IGSF10: variants seen among roughly 807,000 people sequenced by gnomAD.
IGSF10 encodes the protein immunoglobulin superfamily member 10, also known as calvaria mechanical force protein 608.
IGSF10 carries 126 observed loss-of-function variants against 128.2 expected under a neutral mutation model. The observed-to-expected ratio is 0.98, with a 90% CI of 0.85 to 1.14. The LOEUF is 1.14. Among genes scored for constraint, IGSF10 ranks in the 50% most tolerant of loss-of-function variants. The probability of loss-of-function intolerance (pLI) is 0.00; values close to 1 mark genes in which losing one functional copy is unlikely to be tolerated. For missense variants in IGSF10, 3,295 were observed against 3,149.8 expected (o/e 1.05, Z -1.10); for synonymous variants, 1,185 against 1,146.2 (o/e 1.03, Z -0.68).
chr3:151,503,701 T>C, the IGSF10 span, among the ~76,000 whole-genome samples: 5 of 152,190 alleles, frequency 3.3e-5, no homozygotes, highest in Admixed American at 1.3e-4. Context: ...AAGAGTCTAA[T>C]GCACGCCAAA....
chr3:151,469,351 G>T, the IGSF10 span, among the ~76,000 whole-genome samples: 4 of 152,092 alleles, frequency 2.6e-5, no homozygotes, highest in Admixed American at 2.0e-4. Context: ...ACATTCTGTG[G>T]TGGGGGTTTC....
the IGSF10 span, among the ~76,000 whole-genome samples, chr3:151,478,855 G>T: frequency 6.6e-6 from 1 of 152,174 alleles, no homozygotes; most frequent in Non-Finnish European, 1.5e-5. Context: ...CTTTGGATAA[G>T]ATAAAATAAA....
At position 151,437,301 on chromosome 3, in the gene IGSF10, A is replaced by C. The variant is rs747196885; in HGVS notation, c.7260T>G (p.Ile2420Met). 3 of 1,614,174 alleles carry C rather than the reference A, an allele frequency of 1.9e-6. No individual in the cohort carries two copies. Among genetic ancestry groups the C allele is most frequent in the Non-Finnish European group, 2.5e-6 (3 of 1,180,020 alleles). ...CAATTTCTAATATGACTAATTTCTC[A>C]ATATAGCCAACTTTATTCCTAGCTG... is the stretch of plus-strand genomic sequence containing the variant. ...RCAARNKVGYIEKLVILEIGQ... is the reference protein window; with the variant it reads ...RCAARNKVGYMEKLVILEIGQ... Residue 2420 changes from isoleucine (I) to methionine (M), a missense_variant, in exon 8 of 8, where the codon ATT becomes ATG. By Grantham distance (10) the Ile-to-Met change is conservative. Coordinates refer to ENST00000282466, the MANE Select transcript of IGSF10 (RefSeq NM_178822.5).
the IGSF10 span, among the ~76,000 whole-genome samples, chr3:151,509,369 C>T: frequency 1.3e-5 from 2 of 152,166 alleles, no homozygotes; most frequent in Non-Finnish European, 2.9e-5. Context: ...TGCTATACAC[C>T]TAAATTGGAG....
At chr3:151,463,544 T>TTTG (rs1722159449), upstream of IGSF10, among the ~76,000 whole-genome samples, 3 of 105,570 alleles carry the variant, frequency 2.8e-5, no homozygotes, top group African/African-American at 3.8e-5. Context: ...TTTTTTTTTT[T>TTTG]TTTTTTTTTT....
chr3:151,470,405 A>G, the IGSF10 span, among the ~76,000 whole-genome samples: 1 of 152,216 alleles, frequency 6.6e-6, no homozygotes, highest in African/African-American at 2.4e-5. Context: ...CCAAAAGACA[A>G]TTAAGAAGTT....
At chr3:151,497,700 C>T in the IGSF10 span, among the ~76,000 whole-genome samples, 6 of 151,828 alleles carry the variant, frequency 4.0e-5, no homozygotes, top group Non-Finnish European at 7.4e-5. Flanking sequence ...CAGTTTTTTT[C>T]CAATTTTTTG....
At chr3:151,600,315 A>AT in the IGSF10 span, among the ~76,000 whole-genome samples, 5 of 152,214 alleles carry the variant, frequency 3.3e-5, no homozygotes, top group South Asian at 2.1e-4. Context: ...GTGAATTTCC[A>AT]TTTCACTTTG....
At chr3:151,578,594 G>A in the IGSF10 span, among the ~76,000 whole-genome samples, 1 of 152,184 alleles carries the variant, frequency 6.6e-6, no homozygotes, top group Admixed American at 6.5e-5. Flanking sequence ...AGACCAAAGA[G>A]AACTCCTTTG....
the IGSF10 span, among the ~76,000 whole-genome samples, chr3:151,582,291 C>CCG: frequency 5.6e-5 from 1 of 17,860 alleles, no homozygotes; most frequent in Non-Finnish European, 1.0e-4. Context: ...TTAAAAATAT[C>CCG]CGGGGGGGGG....
intron 7 of IGSF10, among the ~76,000 whole-genome samples, chr3:151,442,378 C>CTGT (rs1167067290): frequency 1.6e-5 from 1 of 61,236 alleles, no homozygotes; most frequent in Non-Finnish European, 3.1e-5. Context: ...TATACAATTA[C>CTGT]TATTTTTTTT....
chr3:151,526,183 A>G, the IGSF10 span, among the ~76,000 whole-genome samples: 1 of 152,242 alleles, frequency 6.6e-6, no homozygotes, highest in Non-Finnish European at 1.5e-5. Flanking sequence ...ATTGGGAAAC[A>G]GAGTGAAGGT....
the IGSF10 span, among the ~76,000 whole-genome samples, chr3:151,513,516 CT>C: frequency 1.1e-4 from 16 of 152,072 alleles, no homozygotes; most frequent in Non-Finnish European, 2.1e-4. Flanking sequence ...CAATATCATA[CT>C]TGAATGGGCA....
the IGSF10 span, among the ~76,000 whole-genome samples, chr3:151,597,602 G>T: frequency 1.8e-4 from 27 of 152,280 alleles, no homozygotes; most frequent in South Asian, 2.9e-3. Context: ...GAAATACCCT[G>T]GCATGCTCCA....
the IGSF10 span, chr3:151,499,515 G>A: frequency 2.6e-5 from 4 of 152,134 alleles, no homozygotes; most frequent in African/African-American, 9.7e-5. Flanking sequence ...TGAGTTCAAA[G>A]TCAGGGACTG....
At chr3:151,592,454 C>T in the IGSF10 span, among the ~76,000 whole-genome samples, 2 of 147,262 alleles carry the variant, frequency 1.4e-5, no homozygotes, top group Non-Finnish European at 3.1e-5. Context: ...TGCATCAGTT[C>T]CCTTGTCCTC....
chr3:151,614,675 G>A, the IGSF10 span, among the ~76,000 whole-genome samples: 1 of 151,912 alleles, frequency 6.6e-6, no homozygotes, highest in Non-Finnish European at 1.5e-5. Context: ...CTGTTGTGGG[G>A]TGGGGAGAGG....
At chr3:151,458,439 G>A in intron 3 of IGSF10, 77 bp downstream of exon 3, 9 of 1,037,762 alleles carry the variant, frequency 8.7e-6, no homozygotes, top group Non-Finnish European at 1.2e-5. Flanking sequence ...ATCTCCCAAA[G>A]TCATAGATGT....
At chr3:151,466,120 G>T in the IGSF10 span, among the ~76,000 whole-genome samples, 1 of 151,966 alleles carries the variant, frequency 6.6e-6, no homozygotes, top group Admixed American at 6.6e-5. Flanking sequence ...TTCATGAATC[G>T]TTTTTTTCCT....
Sources: gnomAD v4.1 joint callset for allele counts (sites outside exome capture counted in the v4.1 genomes callset) on GRCh38, gnomAD v4.1.1 for gene constraint, MANE v1.5 for transcripts, NCBI Gene and HGNC (gene_info 2026-07-23, HGNC 2026-07-21) for gene names.